APIP: variants seen among roughly 807,000 people sequenced by gnomAD.
APIP encodes the protein APAF1 interacting protein.
In APIP, 32 loss-of-function variants were observed where a neutral mutation model predicts 32.0. That is an observed-to-expected ratio of 1.00 (90% CI 0.76 to 1.34). APIP has a LOEUF of 1.34. Among genes scored for constraint, APIP ranks in the 40% most tolerant of loss-of-function variants. The pLI, the probability that APIP is intolerant of heterozygous loss-of-function variation, is 0.00. For synonymous variants in APIP, 92 were observed against 94.8 expected, an observed-to-expected ratio of 0.97 and a Z score of 0.17; for missense variants, 247 against 298.6, an observed-to-expected ratio of 0.83 and a Z score of 1.27.
chr11:34,883,867 G>C (rs1462195400), intron 5 of APIP, among the ~76,000 whole-genome samples: 1 of 152,142 alleles, frequency 6.6e-6, no homozygotes, highest in Non-Finnish European at 1.5e-5. Flanking sequence ...CAGAAGCATA[G>C]AAAAGATTAA....
chr11:34,899,029 G>C (rs1241565135), intron 1 of APIP, among the ~76,000 whole-genome samples: 1 of 151,772 alleles, frequency 6.6e-6, no homozygotes, highest in African/African-American at 2.4e-5. Context: ...TCAATCTCCT[G>C]ACCTAGTGAT....
rs546602725 is a variant in APIP, at chr11:34,901,395, C to A, written c.58-6285G>T. ...AGATGGTCCAGCAAGACTGATGGGT[C>A]CCGGGGGCTCAAACCCCTAGCTCCA... On this transcript the variant is annotated intron_variant, in intron 1 of 6. Transcript: ENST00000395787. Among the ~76,000 whole-genome samples the A allele has an allele frequency of 7.5e-5, 7 of 92,820 alleles. No individual in the cohort carries two copies. The South Asian group carries it at 2.1e-3, about 28-fold the overall frequency. 60.9% of individuals were successfully genotyped at this position (92,820 alleles called of 152,430 possible).
intron 5 of APIP, among the ~76,000 whole-genome samples, chr11:34,888,013 A>G (rs1190425607): frequency 6.6e-6 from 1 of 152,208 alleles, no homozygotes. Context: ...TAATCTTTCC[A>G]TCATGATAGA....
intron 3 of APIP, among the ~76,000 whole-genome samples, chr11:34,889,921 G>A (rs571556563): frequency 8.5e-5 from 13 of 152,144 alleles, no homozygotes; most frequent in East Asian, 7.7e-4. Flanking sequence ...TAAAGCATGC[G>A]TATTTCTGTA....
chr11:34,911,449 T>C (rs1853549616), intron 1 of APIP, among the ~76,000 whole-genome samples: 1 of 150,538 alleles, frequency 6.6e-6, no homozygotes, highest in African/African-American at 2.4e-5. Flanking sequence ...TCAATAAACG[T>C]TGGTTGCATT....
At chr11:34,898,484 C>T (rs988489276) in intron 1 of APIP, among the ~76,000 whole-genome samples, 1 of 152,132 alleles carries the variant, frequency 6.6e-6, no homozygotes, top group Non-Finnish European at 1.5e-5. Flanking sequence ...TGGGTCGGAC[C>T]CAGCCTCCAA....
intron 1 of APIP, among the ~76,000 whole-genome samples, chr11:34,912,903 A>G (rs1853580013): frequency 6.6e-6 from 1 of 152,170 alleles, no homozygotes; most frequent in African/African-American, 2.4e-5. Context: ...ATAGTACCAC[A>G]TGCTGAGGCT....
intron 1 of APIP, among the ~76,000 whole-genome samples, chr11:34,895,685 A>G (rs1188704817): frequency 6.6e-6 from 1 of 152,224 alleles, no homozygotes; most frequent in East Asian, 1.9e-4. Context: ...ACTAAGAAAC[A>G]ACCTCAATTA....
At chr11:34,899,362 A>G (rs1853338937) in intron 1 of APIP, among the ~76,000 whole-genome samples, 1 of 152,142 alleles carries the variant, frequency 6.6e-6, no homozygotes, top group Non-Finnish European at 1.5e-5. Flanking sequence ...CTGTGGCCAA[A>G]TTTTAGTCTC....
At chr11:34,884,536 CCA>C (rs1465379808) in intron 5 of APIP, among the ~76,000 whole-genome samples, 1 of 152,112 alleles carries the variant, frequency 6.6e-6, no homozygotes, top group Non-Finnish European at 1.5e-5. Flanking sequence ...ACCAGCCTGG[CCA>C]ACATGGTGAA....
At chr11:34,913,431 G>A (rs1853590449) in intron 1 of APIP, among the ~76,000 whole-genome samples, 1 of 152,068 alleles carries the variant, frequency 6.6e-6, no homozygotes, top group Admixed American at 6.5e-5. Context: ...CCTTCTGGTG[G>A]GTTCGTGGTC....
chr11:34,897,039 G>T (rs1281114175), intron 1 of APIP, among the ~76,000 whole-genome samples: 3 of 152,210 alleles, frequency 2.0e-5, no homozygotes, highest in African/African-American at 7.2e-5. Flanking sequence ...TGGGTAAAGG[G>T]GGAAAAACAT....
At chr11:34,888,568 G>T in intron 4 of APIP, 140 bp from the exon 5 acceptor site, 3 of 1,312,408 alleles carry the variant, frequency 2.3e-6, no homozygotes, top group South Asian at 1.5e-5. Flanking sequence ...TTGGTAGTAG[G>T]CAGGAGGGTA....
At chr11:34,903,660 T>A (rs1853400028) in intron 1 of APIP, among the ~76,000 whole-genome samples, 1 of 152,246 alleles carries the variant, frequency 6.6e-6, no homozygotes, top group African/African-American at 2.4e-5. Flanking sequence ...ACAGATTAGC[T>A]GATCAGGCAG....
At position 34,916,368 on chromosome 11, in the gene APIP, G is replaced by T; in HGVS notation, c.-84C>A. ...TAGCCTGGGATACGGCAGCGAGGCC[G>T]CAAATGCAATCAGGCGGCGCTGAGG... On this transcript the variant is annotated 5_prime_UTR_variant, in exon 1 of 7. Coordinates refer to ENST00000395787, the MANE Select transcript of APIP (RefSeq NM_015957.4). 1 of 1,569,170 alleles carries T rather than the reference G, an allele frequency of 6.4e-7. No individual in the cohort carries two copies. Among genetic ancestry groups the T allele is most frequent in the Non-Finnish European group, 8.6e-7 (1 of 1,157,330 alleles).
intron 5 of APIP, among the ~76,000 whole-genome samples, chr11:34,885,331 A>G (rs962766515): frequency 2.6e-5 from 4 of 151,432 alleles, no homozygotes; most frequent in Non-Finnish European, 5.9e-5. Flanking sequence ...ATACATATAC[A>G]TCAATGTCAG....
At chr11:34,883,192 CT>C in intron 6 of APIP, 144 bp downstream of exon 6, 2 of 881,722 alleles carry the variant, frequency 2.3e-6, no homozygotes, top group Non-Finnish European at 3.3e-6. Context: ...CCAATCAATA[CT>C]TCTTCATGAA....
At chr11:34,884,726 A>C (rs1215216800) in intron 5 of APIP, among the ~76,000 whole-genome samples, 1 of 140,818 alleles carries the variant, frequency 7.1e-6, no homozygotes, top group African/African-American at 2.5e-5. Context: ...TTAGTCTCAA[A>C]AAAAAAAGAA....
At chr11:34,902,366 C>T (rs1728549446) in intron 1 of APIP, among the ~76,000 whole-genome samples, 1 of 152,144 alleles carries the variant, frequency 6.6e-6, no homozygotes, top group South Asian at 2.1e-4. Flanking sequence ...CTCTGTGCCC[C>T]AACTGAGGAA....
Sources: allele counts gnomAD v4.1 joint callset (sites outside exome capture counted in the v4.1 genomes callset), GRCh38; gene constraint gnomAD v4.1.1; transcripts MANE v1.5; gene names NCBI Gene and HGNC (gene_info 2026-07-23, HGNC 2026-07-21).